The following ARHGAP23 variants were observed in gnomAD, a reference collection of about 807,000 sequenced individuals.
ARHGAP23 encodes Rho GTPase activating protein 23, also known as rho GTPase-activating protein 23.
Under a neutral mutation model 136.3 loss-of-function variants are expected in ARHGAP23, and 34 were observed. The observed-to-expected ratio is 0.25, with a 90% CI of 0.19 to 0.33. The LOEUF (loss-of-function observed/expected upper bound fraction) is 0.33. Among genes scored for constraint, ARHGAP23 ranks in the 10% least tolerant of loss-of-function variants. The pLI is 1.00. For missense variants in ARHGAP23, 1,808 were observed against 2,139.0 expected, an observed-to-expected ratio of 0.85 and a Z score of 3.05; for synonymous variants, 832 against 920.5, an observed-to-expected ratio of 0.90 and a Z score of 1.74.
intron 17 of ARHGAP23, among the ~76,000 whole-genome samples, chr17:38,486,519 A>G (rs2040164008): frequency 6.7e-6 from 1 of 148,152 alleles, no homozygotes; most frequent in Non-Finnish European, 1.5e-5. Flanking sequence ...GATTACAGGC[A>G]TGAGCCACCA....
intron 20 of ARHGAP23, among the ~76,000 whole-genome samples, chr17:38,492,657 G>A (rs970016066): frequency 6.6e-6 from 1 of 152,226 alleles, no homozygotes; most frequent in African/African-American, 2.4e-5. Context: ...GAGCAGCTGA[G>A]CCATGTTAAC....
At chr17:38,437,022 C>T (rs1432148088) in intron 1 of ARHGAP23, among the ~76,000 whole-genome samples, 4 of 152,002 alleles carry the variant, frequency 2.6e-5, no homozygotes, top group Non-Finnish European at 4.4e-5. Flanking sequence ...CCTTTTTGAT[C>T]GATTTTCAAG....
In ARHGAP23 at chr17:38,467,076, C is replaced by A. The variant is rs1389242762; in HGVS notation, c.1393C>A (p.Pro465Thr). The A allele has an allele frequency of 2.6e-6, 4 of 1,550,958 alleles. No homozygotes were observed. In the South Asian group the frequency reaches 3.6e-5, roughly 14 times the overall value. ...PASFPPEASEPPRVVRPEPST... is the reference protein window; with the variant it reads ...PASFPPEASETPRVVRPEPST... ...GTCATTCCCACCAGAGGCCTCCGAG[C>A]CACCCAGGGTTGTACGGCCGGAACC... The change falls in exon 7 of 24, where the codon CCA (proline) becomes ACA (threonine). Residue 465 changes from proline to threonine, a missense_variant. Around this residue, in one of 7 missense-constraint regions of ARHGAP23, gnomAD observed 859 missense variants for 936.4 expected, o/e 0.92. Coordinates refer to ENST00000622683, the MANE Select transcript of ARHGAP23 (RefSeq NM_001199417.2).
At chr17:38,438,486 G>C (rs1470270720) in intron 1 of ARHGAP23, among the ~76,000 whole-genome samples, 1 of 152,148 alleles carries the variant, frequency 6.6e-6, no homozygotes, top group Admixed American at 6.5e-5. Flanking sequence ...AGAATAGAGG[G>C]AGGAGGTCAG....
chr17:38,473,349 T>C (rs1269383100), intron 11 of ARHGAP23, among the ~76,000 whole-genome samples: 2 of 152,190 alleles, frequency 1.3e-5, no homozygotes, highest in South Asian at 2.1e-4. Context: ...TTTGAGTTCC[T>C]ATCCGGCCAC....
rs1459679579 is a variant in ARHGAP23, at chr17:38,477,696, G to C, written c.2236G>C (p.Ala746Pro). The change falls in exon 12 of 24, where the codon GCC (alanine) becomes CCC (proline). Residue 746 changes from alanine (A) to proline (P), a missense_variant. Ala to Pro is a conservative substitution (Grantham distance 27). This residue lies in a region of ARHGAP23 where 139 missense variants were observed against 264.3 expected (regional missense o/e 0.53). Coordinates refer to ENST00000622683, the MANE Select transcript of ARHGAP23 (RefSeq NM_001199417.2). The surrounding 1 kb of genome is among the most constrained non-coding windows in gnomAD (Gnocchi z 6.6). ...GCCGGCGGCGGCGGGGGCTGCGGCG[G>C]CCGGCGCAGGTGAGGACGAGGCGGC... is the stretch of plus-strand genomic sequence containing the variant. ...PGPAAAGAAA[A>P]GAGEDEAAPV... is the part of the protein sequence containing the mutation. The C allele has an allele frequency of 7.0e-7, 1 of 1,426,114 alleles. No homozygotes were observed. The highest frequency in any genetic ancestry group is 3.1e-5 in the East Asian group (1 of 32,468). The allele number at this position is 1,426,114 out of a possible 1,614,324, so 88.3% of individuals were successfully genotyped here.
intron 1 of ARHGAP23, among the ~76,000 whole-genome samples, chr17:38,453,431 G>A (rs2144585578): frequency 9.5e-6 from 1 of 105,480 alleles, no homozygotes; most frequent in African/African-American, 4.7e-5. Flanking sequence ...GCGTGTGTGT[G>A]TGTGTGTGTG....
Position 38,504,978 on chromosome 17 carries a change from C to CTTTTTTTTTTTTTTTTTTT in ARHGAP23, c.3447+4377_3447+4395dup. ...ATTACTCAGAAGCCTCCCTTATCAT[C>CTTTTTTTTTTTTTTTTTTT]TTTTTTTTTTTTTTTTTTTTTTTTT... On this transcript the variant is annotated intron_variant, in intron 23 of 23. Transcript: ENST00000622683. 4.6e-5 allele frequency among the ~76,000 whole-genome samples: 2 copies of CTTTTTTTTTTTTTTTTTTT among 43,168 alleles called. 1 individual carries two copies. The highest frequency in any genetic ancestry group is 9.9e-5 in the Non-Finnish European group (2 of 20,290). The allele number at this position is 43,168 out of a possible 152,430, so 28.3% of individuals were successfully genotyped here.
chr17:38,439,458 G>T (rs1009789288), intron 1 of ARHGAP23, among the ~76,000 whole-genome samples: 1 of 152,206 alleles, frequency 6.6e-6, no homozygotes, highest in African/African-American at 2.4e-5. Context: ...AGGCCCTGTT[G>T]AGTGAACGCT....
chr17:38,433,417 C>T (rs2038726898), intron 1 of ARHGAP23, among the ~76,000 whole-genome samples: 1 of 152,130 alleles, frequency 6.6e-6, no homozygotes, highest in South Asian at 2.1e-4. Flanking sequence ...ACTTTTGCCT[C>T]AGTAAAAAGT....
At chr17:38,432,774 A>G (rs1056681177) in intron 1 of ARHGAP23, among the ~76,000 whole-genome samples, 10 of 152,008 alleles carry the variant, frequency 6.6e-5, no homozygotes, top group Non-Finnish European at 1.3e-4. Context: ...GTCTGCAGTG[A>G]GCTGTGATTG....
intron 1 of ARHGAP23, among the ~76,000 whole-genome samples, chr17:38,453,422 CGTGTGTGTGTGT>C (rs1161809844): frequency 0.015 from 1,747 of 116,658 alleles, 30 homozygotes; most frequent in African/African-American, 0.052. Flanking sequence ...CGTATGCGTG[CGTGTGTGTGTGT>C]GTGTGTGTGT....
intron 20 of ARHGAP23, among the ~76,000 whole-genome samples, chr17:38,493,498 G>A (rs2040324421): frequency 6.6e-6 from 1 of 152,124 alleles, no homozygotes; most frequent in African/African-American, 2.4e-5. Flanking sequence ...AGCCAGGCTG[G>A]GCTTTTCTAC....
In ARHGAP23 at chr17:38,498,784, A is replaced by G; in HGVS notation, c.3415+274A>G. On this transcript the variant is annotated intron_variant, in intron 22 of 23. Transcript: ENST00000622683. Reference sequence around the variant, plus strand: ...TCACTGGTTTCTTTCCTCAGCCTTTAATTTCTCATGGGCTGGCTGTGTCCT... The same window carrying G: ...TCACTGGTTTCTTTCCTCAGCCTTTGATTTCTCATGGGCTGGCTGTGTCCT... 6.2e-6 allele frequency: 4 copies of G among 641,086 alleles called. No individual in the cohort carries two copies. In the South Asian group the frequency reaches 7.3e-5, roughly 12 times the overall value. The allele number at this position is 641,086 out of a possible 1,614,324, so 39.7% of individuals were successfully genotyped here.
chr17:38,474,307 C>T (rs1280476663), intron 11 of ARHGAP23, among the ~76,000 whole-genome samples: 1 of 152,172 alleles, frequency 6.6e-6, no homozygotes, highest in Non-Finnish European at 1.5e-5. Flanking sequence ...TTGCCCTTGT[C>T]CAGGTGAGTG....
Position 38,467,265 on chromosome 17 carries a change from C to T in ARHGAP23, c.1582C>T (p.Arg528Cys), listed in dbSNP as rs567680040. Residue 528 changes from arginine (R) to cysteine (C), a missense_variant, in exon 7 of 24, where the codon CGC becomes TGC. By Grantham distance (180) the Arg-to-Cys change is radical. Coordinates refer to ENST00000622683, the MANE Select transcript of ARHGAP23 (RefSeq NM_001199417.2). ...GCCAGAGGCCAGTGGGCGAGGGGAACGCCTGGGCAGGAAGGTGGCCCCTTT... is the reference window on the plus strand; with the variant it reads ...GCCAGAGGCCAGTGGGCGAGGGGAATGCCTGGGCAGGAAGGTGGCCCCTTT... The part of the protein sequence containing the change: ...PEPEASGRGE[R>C]LGRKVAPLAT... 9.2e-5 allele frequency: 142 copies of T among 1,546,382 alleles called. No individual in the cohort carries two copies. The highest frequency in any genetic ancestry group is 3.4e-4 in the Middle Eastern group (2 of 5,956).
At position 38,510,703 on chromosome 17, in the gene ARHGAP23, TGGCGCCGCCACACCGTG is replaced by T; in HGVS notation, c.4209_4225del (p.Trp1403CysfsTer8). 7.0e-7 allele frequency: 1 copy of T among 1,433,310 alleles called. No homozygotes were observed. Among genetic ancestry groups the T allele is most frequent in the Non-Finnish European group, 9.1e-7 (1 of 1,101,034 alleles). The allele number at this position is 1,433,310 out of a possible 1,614,324, so 88.8% of individuals were successfully genotyped here. The stretch of plus-strand genomic sequence containing the variant: ...CGAGACCCGGCGGCGCCGGAGCAGC[TGGCGCCGCCACACCGTG>T]GTGGTGCAGAGCCCGCTGACTGACC... On this transcript the variant is annotated frameshift_variant, in exon 24 of 24. Transcript: ENST00000622683. LOFTEE classifies it high-confidence loss of function. This position sits in a 1 kb window ranked among gnomAD's most constrained non-coding sequence, Gnocchi z 4.6.
At chr17:38,422,051 C>T (rs1909921078) in intron 1 of ARHGAP23, among the ~76,000 whole-genome samples, 1 of 152,144 alleles carries the variant, frequency 6.6e-6, no homozygotes, top group African/African-American at 2.4e-5. Flanking sequence ...ATTGAAAAGC[C>T]CTATGTAGAA....
chr17:38,453,967 C>T (rs2039260667), intron 1 of ARHGAP23: 1 of 145,210 alleles, frequency 6.9e-6, no homozygotes, highest in East Asian at 2.0e-4. Context: ...GGAGCCCCCG[C>T]CGGCCGCGGA....
Sources: allele counts gnomAD v4.1 joint callset (sites outside exome capture counted in the v4.1 genomes callset), GRCh38; gene constraint gnomAD v4.1.1; regional missense constraint gnomAD v4.1.1; non-coding constraint Gnocchi (gnomAD v3.1); transcripts MANE v1.5; gene names NCBI Gene and HGNC (gene_info 2026-07-23, HGNC 2026-07-21).